TSPAN12: variants seen among roughly 807,000 people sequenced by gnomAD.
The protein encoded by TSPAN12 is tetraspanin-12.
A neutral mutation model predicts 39.2 loss-of-function variants in TSPAN12; 19 were observed. That is an observed-to-expected ratio of 0.49 (90% CI 0.34 to 0.71). TSPAN12 has a LOEUF of 0.71. Ranked by LOEUF, TSPAN12 falls within the 30% of genes least tolerant of loss-of-function variation. TSPAN12 has a pLI of 0.01. For synonymous variants in TSPAN12, 119 were observed against 124.8 expected (o/e 0.95, Z 0.31); for missense variants, 314 against 359.9 (o/e 0.87, Z 1.03).
chr7:120,834,609 G>C (rs989304390), intron 4 of TSPAN12, among the ~76,000 whole-genome samples: 1 of 152,076 alleles, frequency 6.6e-6, no homozygotes, highest in Non-Finnish European at 1.5e-5. Flanking sequence ...AATCATTCAA[G>C]AGATATGGCA....
intron 4 of TSPAN12, 28 bp downstream of exon 4, chr7:120,838,749 A>G (rs1014123292): frequency 2.5e-6 from 4 of 1,606,330 alleles, no homozygotes; most frequent in Non-Finnish European, 3.4e-6. Context: ...CTTTTTAACT[A>G]TAATAAAGAG....
intron 2 of TSPAN12, among the ~76,000 whole-genome samples, chr7:120,853,493 T>TATATATATATATATATAC (rs10639551): frequency 6.9e-6 from 1 of 145,918 alleles, no homozygotes; most frequent in African/African-American, 2.5e-5. Context: ...TATATATATA[T>TATATATATATATATATAC]ACACACACAT....
intron 7 of TSPAN12, among the ~76,000 whole-genome samples, chr7:120,799,537 T>A (rs1219119121): frequency 5.8e-4 from 63 of 107,816 alleles, no homozygotes; most frequent in East Asian, 3.6e-3. Context: ...TATATAATTA[T>A]ATATAATTAT....
At chr7:120,810,639 C>CAG in intron 5 of TSPAN12, 69 bp from the exon 6 acceptor site, 1 of 796,038 alleles carries the variant, frequency 1.3e-6, no homozygotes, top group Admixed American at 1.7e-5. Context: ...CACACACACA[C>CAG]ACACACACAC....
chr7:120,810,810 A>G (rs1455509801), intron 5 of TSPAN12, among the ~76,000 whole-genome samples: 1 of 152,220 alleles, frequency 6.6e-6, no homozygotes. Flanking sequence ...ATTTTGTACT[A>G]AGGAAAAAAA....
Position 120,856,831 on chromosome 7 carries a change from G to A in TSPAN12, c.-68C>T. 54 of 1,534,386 alleles carry A rather than the reference G, an allele frequency of 3.5e-5. 2 individuals carry two copies. In the South Asian group the frequency reaches 6.0e-4, roughly 17 times the overall value. ...CTACTCCCAAGGGCAAAACGGCAGC[G>A]ATCTGCAGGGGGCGGGGGAGAGAGA... On this transcript the variant is annotated splice_region_variant and 5_prime_UTR_variant, in exon 2 of 8. Coordinates refer to ENST00000222747, the MANE Select transcript of TSPAN12 (RefSeq NM_012338.4).
chr7:120,812,673 A>G (rs1251178093), intron 5 of TSPAN12, among the ~76,000 whole-genome samples: 2 of 152,196 alleles, frequency 1.3e-5, no homozygotes, highest in Non-Finnish European at 2.9e-5. Flanking sequence ...ATAATGGGCT[A>G]AACGGGTGTA....
chr7:120,856,653 C>G, intron 2 of TSPAN12, 45 bp downstream of exon 2: 1 of 1,602,928 alleles, frequency 6.2e-7, no homozygotes. Context: ...TGCAGAAAAC[C>G]AGAGCCAGCC....
intron 6 of TSPAN12, among the ~76,000 whole-genome samples, chr7:120,810,081 AT>A (rs1398625403): frequency 3.3e-5 from 5 of 152,096 alleles, no homozygotes; most frequent in East Asian, 3.9e-4. Context: ...GAGAACAATC[AT>A]TTTTTTTAAA....
chr7:120,824,017 T>A (rs977685492), intron 4 of TSPAN12, among the ~76,000 whole-genome samples: 1 of 151,892 alleles, frequency 6.6e-6, no homozygotes, highest in East Asian at 1.9e-4. Context: ...AGGAGGTGAG[T>A]GGAGATTGGA....
chr7:120,820,544 CT>C (rs547581346), intron 4 of TSPAN12, among the ~76,000 whole-genome samples: 114 of 152,148 alleles, frequency 7.5e-4, no homozygotes, highest in African/African-American at 2.5e-3. Context: ...TATTTTCTCA[CT>C]TTTCTCCCTC....
At chr7:120,842,834 C>A (rs939503741) in intron 2 of TSPAN12, among the ~76,000 whole-genome samples, 2 of 151,664 alleles carry the variant, frequency 1.3e-5, no homozygotes, top group African/African-American at 4.8e-5. Context: ...GATTAAAATA[C>A]AGATTAATAG....
At chr7:120,822,839 G>T (rs191791098) in intron 4 of TSPAN12, among the ~76,000 whole-genome samples, 2 of 152,222 alleles carry the variant, frequency 1.3e-5, no homozygotes, top group Admixed American at 1.3e-4. Flanking sequence ...TATAGTAGAT[G>T]ACAAAGTACA....
At chr7:120,825,499 A>G (rs1794269603) in intron 4 of TSPAN12, among the ~76,000 whole-genome samples, 1 of 152,210 alleles carries the variant, frequency 6.6e-6, no homozygotes, top group South Asian at 2.1e-4. Context: ...CATGCTACAT[A>G]GCCAATACTT....
At chr7:120,809,584 C>T (rs1793938828) in intron 6 of TSPAN12, among the ~76,000 whole-genome samples, 1 of 152,138 alleles carries the variant, frequency 6.6e-6, no homozygotes, top group Non-Finnish European at 1.5e-5. Context: ...ACGTAAGACA[C>T]TAATTCTCAA....
intron 7 of TSPAN12, among the ~76,000 whole-genome samples, chr7:120,793,846 G>T (rs1584920638): frequency 6.6e-6 from 1 of 152,156 alleles, no homozygotes; most frequent in Non-Finnish European, 1.5e-5. Flanking sequence ...TATAAAATTT[G>T]TGAAAAATGA....
At chr7:120,826,395 T>C (rs1279415399) in intron 4 of TSPAN12, among the ~76,000 whole-genome samples, 1 of 152,212 alleles carries the variant, frequency 6.6e-6, no homozygotes. Flanking sequence ...ACATGGTGTC[T>C]ATTGCCTGGT....
At position 120,840,106 on chromosome 7, in the gene TSPAN12, T is replaced by C; in HGVS notation, c.70A>G (p.Met24Val). Reference sequence around the variant, plus strand: ...GAAACTGCCAACACACTGATGGACATTAACTGGGGAGAAAAAAGTACAAAC... The same window carrying C: ...GAAACTGCCAACACACTGATGGACACTAACTGGGGAGAAAAAAGTACAAAC... ...LYALNLLFWL[M>V]SISVLAVSAW... The change falls in exon 3 of 8, where the codon ATG (methionine) becomes GTG (valine). Residue 24 changes from methionine to valine, a missense_variant. By Grantham distance (21) the Met-to-Val change is conservative. Coordinates refer to ENST00000222747, the MANE Select transcript of TSPAN12 (RefSeq NM_012338.4). The C allele has an allele frequency of 1.2e-6, 2 of 1,613,016 alleles. No individual in the cohort carries two copies. Among genetic ancestry groups the C allele is most frequent in the Non-Finnish European group, 1.7e-6 (2 of 1,179,084 alleles).
chr7:120,838,813 A>G lies in TSPAN12; in HGVS notation c.249T>C (p.Cys83=), dbSNP rs933772121. The G allele has an allele frequency of 5.6e-6, 9 of 1,613,942 alleles. No individual in the cohort carries two copies. In the African/African-American group the frequency reaches 1.2e-4, roughly 22 times the overall value. Residue 83 remains cysteine, a synonymous_variant, in exon 4 of 8, where the codon TGT becomes TGC. Coordinates refer to ENST00000222747, the MANE Select transcript of TSPAN12 (RefSeq NM_012338.4). ...FLIIVGMLGY[C]GTVKRNLLLL... ...GCAACAGATTTCTTTTCACCGTTCC[A>G]CAATATCCTAACATCCCCACAATGA...
Sources: allele counts gnomAD v4.1 joint callset (sites outside exome capture counted in the v4.1 genomes callset), GRCh38; gene constraint gnomAD v4.1.1; transcripts MANE v1.5; gene names NCBI Gene and HGNC (gene_info 2026-07-23, HGNC 2026-07-21).